DNAH7: variants seen among roughly 807,000 people sequenced by gnomAD.
The protein encoded by DNAH7 is axonemal beta dynein heavy chain 7.
Under a neutral mutation model 444.6 loss-of-function variants are expected in DNAH7, and 397 were observed. The ratio of observed to expected loss-of-function variants is 0.89; its 90% CI spans 0.82 to 0.97. The LOEUF is 0.97. Among genes scored for constraint, DNAH7 ranks in the 50% least tolerant of loss-of-function variants. The pLI is 0.00. For synonymous variants in DNAH7, 1,636 were observed against 1,624.4 expected (o/e 1.01, Z -0.17); for missense variants, 4,902 against 4,800.8 (o/e 1.02, Z -0.62).
intron 19 of DNAH7, among the ~76,000 whole-genome samples, chr2:195,937,947 CAA>C (rs1361497365): frequency 2.0e-5 from 3 of 152,014 alleles, no homozygotes; most frequent in Non-Finnish European, 4.4e-5. Context: ...GAAATTAAAT[CAA>C]GAGAATATTG....
chr2:195,964,721 A>AT (rs1334083232), intron 17 of DNAH7, among the ~76,000 whole-genome samples: 6 of 150,510 alleles, frequency 4.0e-5, no homozygotes, highest in Non-Finnish European at 5.9e-5. Flanking sequence ...AAAAAAAAAA[A>AT]AAAAATTAGC....
At chr2:195,876,433 G>T (rs1574639698) in intron 37 of DNAH7, 111 bp downstream of exon 37, 1 of 1,061,500 alleles carries the variant, frequency 9.4e-7, no homozygotes, top group African/African-American at 1.6e-5. Context: ...CCAAATTTGT[G>T]ACATTAAAAA....
At chr2:195,857,939 T>A (rs972244291) in intron 43 of DNAH7, among the ~76,000 whole-genome samples, 12 of 152,194 alleles carry the variant, frequency 7.9e-5, no homozygotes, top group African/African-American at 2.9e-4. Flanking sequence ...TCTATCTTCA[T>A]CTTTCTAAAT....
At chr2:196,057,904 C>T (rs1697906519) in intron 2 of DNAH7, 150 bp downstream of exon 2, 1 of 600,212 alleles carries the variant, frequency 1.7e-6, no homozygotes, top group East Asian at 3.1e-5. Context: ...ATGTACCTCA[C>T]AGAATTCCTC....
intron 15 of DNAH7, among the ~76,000 whole-genome samples, chr2:195,979,573 T>C (rs972064588): frequency 6.6e-6 from 1 of 151,758 alleles, no homozygotes; most frequent in Non-Finnish European, 1.5e-5. Context: ...TAAAAGCAAG[T>C]GCAAATCAAA....
At chr2:195,945,655 T>C (rs902097616) in intron 19 of DNAH7, among the ~76,000 whole-genome samples, 3 of 152,116 alleles carry the variant, frequency 2.0e-5, no homozygotes, top group Non-Finnish European at 4.4e-5. Flanking sequence ...GAAATGCTTG[T>C]TGCCAAATTA....
intron 45 of DNAH7, among the ~76,000 whole-genome samples, 169 bp downstream of exon 45, chr2:195,855,642 C>A (rs1699649845): frequency 6.6e-6 from 1 of 152,114 alleles, no homozygotes; most frequent in South Asian, 2.1e-4. Flanking sequence ...CCATTATTAG[C>A]TCTTGGGCCA....
chr2:196,066,438 T>C (rs1245391673), intron 1 of DNAH7, among the ~76,000 whole-genome samples: 2 of 152,178 alleles, frequency 1.3e-5, no homozygotes, highest in Non-Finnish European at 1.5e-5. Context: ...ATTACTTGAT[T>C]CCATAACTAG....
intron 52 of DNAH7, 106 bp from the exon 53 acceptor site, chr2:195,808,982 G>A: frequency 3.2e-6 from 3 of 951,726 alleles, no homozygotes; most frequent in South Asian, 3.6e-5. Flanking sequence ...AGTTTCAGAT[G>A]TGGTCTCTAT....
At chr2:195,913,906 G>T (rs1165049175) in intron 24 of DNAH7, among the ~76,000 whole-genome samples, 1 of 152,170 alleles carries the variant, frequency 6.6e-6, no homozygotes, top group Non-Finnish European at 1.5e-5. Context: ...AGTAGAAACG[G>T]GGTTTCACCA....
chr2:195,766,097 T>C (rs1694564851), intron 61 of DNAH7, among the ~76,000 whole-genome samples: 1 of 151,548 alleles, frequency 6.6e-6, no homozygotes, highest in South Asian at 2.1e-4. Context: ...CTGAGATCAT[T>C]ATGTTAAGCG....
chr2:195,951,247 G>A (rs1222852599), intron 19 of DNAH7, among the ~76,000 whole-genome samples: 3 of 152,170 alleles, frequency 2.0e-5, no homozygotes, highest in Non-Finnish European at 4.4e-5. Context: ...TAGTTGTGTG[G>A]TTTTGAGTGA....
At chr2:195,942,914 C>A (rs1387063457) in intron 19 of DNAH7, among the ~76,000 whole-genome samples, 1 of 152,080 alleles carries the variant, frequency 6.6e-6, no homozygotes, top group African/African-American at 2.4e-5. Context: ...GTTGTCCCCA[C>A]CCAAATCTCA....
At chr2:195,835,517 A>G (rs1228559142) in intron 47 of DNAH7, among the ~76,000 whole-genome samples, 1 of 152,130 alleles carries the variant, frequency 6.6e-6, no homozygotes, top group East Asian at 1.9e-4. Flanking sequence ...AAAAAACCAT[A>G]TTTTTATCAG....
intron 19 of DNAH7, among the ~76,000 whole-genome samples, chr2:195,952,016 T>C (rs1392959020): frequency 6.6e-6 from 1 of 152,234 alleles, no homozygotes; most frequent in Non-Finnish European, 1.5e-5. Context: ...ATGCAGTTTC[T>C]TCATAGTGTC....
chr2:195,942,916 C>T (rs926616212), intron 19 of DNAH7, among the ~76,000 whole-genome samples: 13 of 152,098 alleles, frequency 8.5e-5, no homozygotes, highest in African/African-American at 2.7e-4. Context: ...TGTCCCCACC[C>T]AAATCTCACC....
chr2:195,905,859 T>C (rs1686982961), intron 27 of DNAH7: 1 of 152,114 alleles, frequency 6.6e-6, no homozygotes, highest in Non-Finnish European at 1.5e-5. Flanking sequence ...CAACCTGTCT[T>C]GGAGCACAAT....
intron 61 of DNAH7, among the ~76,000 whole-genome samples, chr2:195,761,502 G>A (rs1414590105): frequency 2.0e-5 from 3 of 152,026 alleles, no homozygotes; most frequent in African/African-American, 7.2e-5. Context: ...AGAACACCAA[G>A]CAGATTTAAG....
At chr2:195,994,990 C>T (rs916651900) in intron 12 of DNAH7, 7 of 258,980 alleles carry the variant, frequency 2.7e-5, no homozygotes, top group East Asian at 1.1e-4. Context: ...AGTGCAGTGG[C>T]GCAATCTCGG....
Sources: gnomAD v4.1 joint callset for allele counts (sites outside exome capture counted in the v4.1 genomes callset) on GRCh38, gnomAD v4.1.1 for gene constraint, MANE v1.5 for transcripts, NCBI Gene and HGNC (gene_info 2026-07-23, HGNC 2026-07-21) for gene names.